The following FAM227B variants were observed in gnomAD, a reference collection of about 807,000 sequenced individuals.
The protein encoded by FAM227B is family with sequence similarity 227 member B, also known as protein FAM227B.
In FAM227B, 88 loss-of-function variants were observed where a neutral mutation model predicts 73.8. That is an observed-to-expected ratio of 1.19 (90% CI 1.00 to 1.42). The LOEUF is 1.42. Among genes scored for constraint, FAM227B ranks in the 40% most tolerant of loss-of-function variants. The pLI, the probability that FAM227B is intolerant of heterozygous loss-of-function variation, is 0.00. For synonymous variants in FAM227B, 210 were observed against 190.5 expected (o/e 1.10, Z -0.84); for missense variants, 632 against 590.9 (o/e 1.07, Z -0.72).
At chr15:49,591,188 G>A (rs2076534497) in intron 3 of FAM227B, among the ~76,000 whole-genome samples, 1 of 151,288 alleles carries the variant, frequency 6.6e-6, no homozygotes, top group African/African-American at 2.4e-5. Context: ...GGGACTACAG[G>A]CACAGCCTCC....
At position 49,541,741 on chromosome 15, in the gene FAM227B, A is replaced by G; in HGVS notation, c.813T>C (p.Ser271=). The G allele has an allele frequency of 6.5e-7, 1 of 1,545,270 alleles. No homozygotes were observed. The highest frequency in any genetic ancestry group is 1.3e-5 in the South Asian group (1 of 77,346). The change falls in exon 10 of 16, where the codon AGT becomes AGC. Residue 271 remains serine (S), a synonymous_variant. Coordinates refer to ENST00000299338, the MANE Select transcript of FAM227B (RefSeq NM_152647.3). ...CTTTAAATTCATCATTAAAGAGGTA[A>G]CTCGATTCTGGAAATGCTTCATGGA... ...ATFHEAFPES[S]YLFNDEFKED...
At chr15:49,449,711 C>T (rs891773456) in intron 11 of FAM227B, among the ~76,000 whole-genome samples, 4 of 151,976 alleles carry the variant, frequency 2.6e-5, no homozygotes, top group Non-Finnish European at 4.4e-5. Flanking sequence ...AGGTCTCTTT[C>T]GCTTCTATAC....
In FAM227B at chr15:49,576,835, A is replaced by T; in HGVS notation, c.452T>A (p.Phe151Tyr). Residue 151 changes from phenylalanine to tyrosine, a missense_variant, in exon 7 of 16, where the codon TTC becomes TAC. Transcript: ENST00000299338. The part of the protein sequence containing the change: ...ETEKNIEGCS[F>Y]TGFKANELTQ... ...AAGTTCATTTGCTTTGAATCCTGTG[A>T]AGCTGCAACCCTAGAAAGAGGAAAA... 1 of 1,608,766 alleles carries T rather than the reference A, an allele frequency of 6.2e-7. No individual in the cohort carries two copies.
chr15:49,480,377 G>A (rs1049538299), intron 11 of FAM227B, among the ~76,000 whole-genome samples: 1 of 151,776 alleles, frequency 6.6e-6, no homozygotes, highest in Non-Finnish European at 1.5e-5. Flanking sequence ...GTGTGACCTC[G>A]GCTCATTGCA....
intron 11 of FAM227B, among the ~76,000 whole-genome samples, chr15:49,392,277 T>C (rs1239754293): frequency 6.6e-6 from 1 of 152,126 alleles, no homozygotes. Context: ...GGGCTTGAAT[T>C]AGTACCTTGG....
chr15:49,439,221 G>T (rs745691057), intron 11 of FAM227B, among the ~76,000 whole-genome samples: 1 of 151,428 alleles, frequency 6.6e-6, no homozygotes, highest in Non-Finnish European at 1.5e-5. Context: ...CAGGCTTCCT[G>T]AGTGTCCTTA....
chr15:49,618,244 A>T (rs1385828742), intron 1 of FAM227B, among the ~76,000 whole-genome samples: 1 of 152,190 alleles, frequency 6.6e-6, no homozygotes, highest in African/African-American at 2.4e-5. Flanking sequence ...TTCATTTTTA[A>T]AAAGGGATTA....
intron 3 of FAM227B, among the ~76,000 whole-genome samples, chr15:49,605,133 C>T (rs9672323): frequency 3.9e-5 from 6 of 152,116 alleles, no homozygotes; most frequent in East Asian, 3.9e-4. Context: ...GAAGAACAGG[C>T]GCCTCTTCTG....
At chr15:49,366,151 A>G in intron 13 of FAM227B, 2 of 974,318 alleles carry the variant, frequency 2.1e-6, no homozygotes, top group Non-Finnish European at 3.4e-6. Flanking sequence ...TGAACACAGC[A>G]ATTACAAAAA....
chr15:49,437,720 T>C (rs1046981846), intron 11 of FAM227B, among the ~76,000 whole-genome samples: 1 of 151,734 alleles, frequency 6.6e-6, no homozygotes, highest in African/African-American at 2.4e-5. Context: ...TTACTGAGCA[T>C]ATATTACGTA....
intron 11 of FAM227B, among the ~76,000 whole-genome samples, chr15:49,403,005 GA>G (rs1010517873): frequency 9.9e-5 from 15 of 152,058 alleles, no homozygotes; most frequent in African/African-American, 3.6e-4. Context: ...GAATTTTATT[GA>G]AGGCCTTTTT....
At chr15:49,538,094 C>T (rs948354770) in intron 10 of FAM227B, among the ~76,000 whole-genome samples, 3 of 152,136 alleles carry the variant, frequency 2.0e-5, no homozygotes, top group Non-Finnish European at 2.9e-5. Flanking sequence ...AAGAAAATTC[C>T]TCACATACAA....
intron 10 of FAM227B, among the ~76,000 whole-genome samples, chr15:49,535,791 C>T (rs1271516426): frequency 6.6e-6 from 1 of 151,610 alleles, no homozygotes; most frequent in Non-Finnish European, 1.5e-5. Flanking sequence ...CACATCATAC[C>T]AACACAATCA....
At chr15:49,598,929 T>C (rs986851586) in intron 3 of FAM227B, among the ~76,000 whole-genome samples, 2 of 152,076 alleles carry the variant, frequency 1.3e-5, no homozygotes, top group Admixed American at 6.5e-5. Context: ...GTCGTGTCCT[T>C]GTAGTATCAG....
At chr15:49,525,240 T>C (rs1222335137) in intron 10 of FAM227B, among the ~76,000 whole-genome samples, 3 of 152,032 alleles carry the variant, frequency 2.0e-5, no homozygotes, top group South Asian at 4.1e-4. Flanking sequence ...GGTTTTTCCC[T>C]GATGTTCTTG....
intron 11 of FAM227B, among the ~76,000 whole-genome samples, chr15:49,388,016 T>C (rs1234263081): frequency 6.6e-6 from 1 of 151,980 alleles, no homozygotes; most frequent in African/African-American, 2.4e-5. Context: ...TTCATGCTCA[T>C]GGATTGGAAG....
intron 11 of FAM227B, among the ~76,000 whole-genome samples, chr15:49,463,873 T>G (rs928648251): frequency 6.6e-6 from 1 of 152,180 alleles, no homozygotes; most frequent in Non-Finnish European, 1.5e-5. Flanking sequence ...AGAAATATCG[T>G]TTTTTAGACT....
At chr15:49,499,122 C>T (rs1224168765) in intron 11 of FAM227B, among the ~76,000 whole-genome samples, 2 of 141,706 alleles carry the variant, frequency 1.4e-5, no homozygotes, top group East Asian at 2.1e-4. Context: ...GCCGAGATCC[C>T]GCCACTGCAC....
intron 11 of FAM227B, among the ~76,000 whole-genome samples, chr15:49,372,138 ATTTATAAATAAATGAAATAAAATT>A (rs2045880421): frequency 8.8e-6 from 1 of 113,950 alleles, no homozygotes; most frequent in African/African-American, 3.4e-5. Context: ...AATAAAATTC[ATTTATAAATAAATGAAATAAAATT>A]CATTTATAAA....
Sources: gnomAD v4.1 joint callset for allele counts (sites outside exome capture counted in the v4.1 genomes callset) on GRCh38, gnomAD v4.1.1 for gene constraint, MANE v1.5 for transcripts, NCBI Gene and HGNC (gene_info 2026-07-23, HGNC 2026-07-21) for gene names.